Variants in EIF4E3 observed in about 807,000 individuals in gnomAD.
EIF4E3 encodes eukaryotic translation initiation factor 4E type 3.
In EIF4E3, 26 loss-of-function variants were observed where a neutral mutation model predicts 31.7. That is an observed-to-expected ratio of 0.82 (90% CI 0.60 to 1.14). The LOEUF is 1.14. Ranked by LOEUF, EIF4E3 falls within the 50% of genes most tolerant of loss-of-function variation. The pLI is 0.00. For synonymous variants in EIF4E3, 128 were observed against 107.7 expected (o/e 1.19, Z -1.17); for missense variants, 304 against 270.9 (o/e 1.12, Z -0.86).
At chr3:71,744,752 T>C (rs771810270) in intron 1 of EIF4E3, among the ~76,000 whole-genome samples, 4 of 152,096 alleles carry the variant, frequency 2.6e-5, no homozygotes, top group Non-Finnish European at 5.9e-5. Context: ...CTCAAAAAAA[T>C]ATATATATTT....
upstream of EIF4E3, chr3:71,754,065 G>C: frequency 7.8e-7 from 1 of 1,289,660 alleles, no homozygotes; most frequent in South Asian, 1.6e-5. This position sits in a 1 kb window ranked among gnomAD's most constrained non-coding sequence, Gnocchi z 5.8. Context: ...GAACGCGAGC[G>C]AGCCGGGTGG....
At chr3:71,704,715 T>C (rs894921263) in intron 2 of EIF4E3, among the ~76,000 whole-genome samples, 1 of 152,230 alleles carries the variant, frequency 6.6e-6, no homozygotes, top group Admixed American at 6.5e-5. Context: ...TATTTCTGCA[T>C]ATGCCTGTTC....
At chr3:71,753,761 A>ATGCGGGGGGC (rs1355039649), upstream of EIF4E3, 1 of 153,922 alleles carries the variant, frequency 6.5e-6, no homozygotes, top group Non-Finnish European at 1.4e-5. Context: ...ACGGAGGAGG[A>ATGCGGGGGGC]TGCGGGGGGC....
downstream of EIF4E3, among the ~76,000 whole-genome samples, chr3:71,670,976 C>T (rs964276004): frequency 6.6e-6 from 1 of 152,012 alleles, no homozygotes; most frequent in African/African-American, 2.4e-5. Flanking sequence ...CAGCAATCCC[C>T]CAAGCGCGGA....
chr3:71,686,209 C>T (rs1312505047), intron 6 of EIF4E3, among the ~76,000 whole-genome samples: 1 of 151,982 alleles, frequency 6.6e-6, no homozygotes, highest in Non-Finnish European at 1.5e-5. Context: ...AGGCTGGTCT[C>T]GAACTCCTGA....
intron 1 of EIF4E3, among the ~76,000 whole-genome samples, chr3:71,712,635 T>TGG (rs760932981): frequency 0.2 from 11,462 of 58,342 alleles, 719 homozygotes; most frequent in East Asian, 0.34. Context: ...TTGCGGGGGG[T>TGG]GGGCGGGGGA....
intron 1 of EIF4E3, among the ~76,000 whole-genome samples, chr3:71,740,042 G>A (rs2049804106): frequency 6.6e-6 from 1 of 151,940 alleles, no homozygotes; most frequent in South Asian, 2.1e-4. Context: ...AGTTAAAAAT[G>A]TACACTGTGA....
intron 1 of EIF4E3, among the ~76,000 whole-genome samples, chr3:71,720,846 G>C (rs542056367): frequency 1.3e-5 from 2 of 152,310 alleles, no homozygotes; most frequent in East Asian, 3.9e-4. Context: ...AGAGGGCATG[G>C]AGAGAGGAAA....
At chr3:71,687,212 G>A (rs1251139816) in intron 6 of EIF4E3, among the ~76,000 whole-genome samples, 1 of 152,098 alleles carries the variant, frequency 6.6e-6, no homozygotes, top group African/African-American at 2.4e-5. Flanking sequence ...ATGTTGGCCA[G>A]GCTGGTCTTT....
chr3:71,669,656 ACAAGGGAACACTCT>A, the EIF4E3 span, among the ~76,000 whole-genome samples: 1 of 152,002 alleles, frequency 6.6e-6, no homozygotes, highest in Admixed American at 6.6e-5. Context: ...CTCTGGTAAC[ACAAGGGAACACTCT>A]CAACTACTCA....
chr3:71,661,400 G>T, the EIF4E3 span, among the ~76,000 whole-genome samples: 1 of 152,146 alleles, frequency 6.6e-6, no homozygotes, highest in African/African-American at 2.4e-5. Context: ...GTGTGCAACT[G>T]CTTAGGCCAG....
At chr3:71,702,889 T>G (rs2049237933) in intron 2 of EIF4E3, among the ~76,000 whole-genome samples, 1 of 152,042 alleles carries the variant, frequency 6.6e-6, no homozygotes, top group Admixed American at 6.6e-5. Flanking sequence ...CTTGCAGAAG[T>G]GAAAGGTCTG....
chr3:71,671,891 T>G (rs771240877), downstream of EIF4E3, among the ~76,000 whole-genome samples: 1 of 152,164 alleles, frequency 6.6e-6, no homozygotes, highest in Non-Finnish European at 1.5e-5. Context: ...ACAGCAATTC[T>G]TCTAAATATA....
upstream of EIF4E3, among the ~76,000 whole-genome samples, chr3:71,726,685 C>A (rs2049643267): frequency 6.6e-6 from 1 of 152,170 alleles, no homozygotes; most frequent in Non-Finnish European, 1.5e-5. Flanking sequence ...TGTCATGAAT[C>A]CCAGAGTAGA....
chr3:71,693,921 C>A lies in EIF4E3; in HGVS notation c.426G>T (p.Leu142Phe), dbSNP rs1001950395. Residue 142 changes from leucine (L) to phenylalanine (F), a missense_variant, in exon 5 of 7, where the codon TTG (leucine) becomes TTT (phenylalanine). Coordinates refer to ENST00000425534, the MANE Select transcript of EIF4E3 (RefSeq NM_001134651.2). Reference protein sequence around the residue: ...KDSTSTVWKELLLATIGEQFT... With the variant: ...KDSTSTVWKEFLLATIGEQFT... ...ACTGTTCCCCGATGGTTGCTAACAGCAACTCTTTCCAAACTGTGGACTGAT... is the reference window on the plus strand; with the variant it reads ...ACTGTTCCCCGATGGTTGCTAACAGAAACTCTTTCCAAACTGTGGACTGAT... The A allele has an allele frequency of 1.3e-6, 2 of 1,584,410 alleles. No individual in the cohort carries two copies. The highest frequency in any genetic ancestry group is 3.6e-5 in the Admixed American group (2 of 56,144).
intron 1 of EIF4E3, among the ~76,000 whole-genome samples, chr3:71,745,515 T>C (rs1462041906): frequency 6.6e-6 from 1 of 152,200 alleles, no homozygotes; most frequent in Admixed American, 6.5e-5. Context: ...TTCACTGTAA[T>C]TCTCTAGAGT....
intron 1 of EIF4E3, among the ~76,000 whole-genome samples, chr3:71,742,934 T>C (rs1209323735): frequency 6.6e-6 from 1 of 152,166 alleles, no homozygotes; most frequent in South Asian, 2.1e-4. Context: ...CAACATTCAC[T>C]GCTGATTTTA....
At position 71,676,044 on chromosome 3, in the gene EIF4E3, T is replaced by C. The variant is rs199924965; in HGVS notation, c.*8638A>G. The C allele has an allele frequency of 6.6e-6, 1 of 152,226 alleles. No homozygotes were observed. Among genetic ancestry groups the C allele is most frequent in the Admixed American group, 6.5e-5 (1 of 15,282 alleles). 9.4% of individuals were successfully genotyped at this position (152,226 alleles called of 1,614,324 possible). On this transcript the variant is annotated 3_prime_UTR_variant, in exon 7 of 7. Coordinates refer to ENST00000425534, the MANE Select transcript of EIF4E3 (RefSeq NM_001134651.2). Reference sequence around the variant, plus strand: ...TATGCTTAGATGGCATGGAACTCCATACATGCTATTGTTATTGTGGATATT... The same window carrying C: ...TATGCTTAGATGGCATGGAACTCCACACATGCTATTGTTATTGTGGATATT...
intron 6 of EIF4E3, among the ~76,000 whole-genome samples, chr3:71,688,812 T>C (rs2049026245): frequency 6.6e-6 from 1 of 152,216 alleles, no homozygotes; most frequent in Non-Finnish European, 1.5e-5. Context: ...AATAAGCAAC[T>C]TCTGCAGTGC....
Sources: gnomAD v4.1 joint callset for allele counts (sites outside exome capture counted in the v4.1 genomes callset) on GRCh38, gnomAD v4.1.1 for gene constraint, Gnocchi (gnomAD v3.1) non-coding constraint, MANE v1.5 for transcripts, NCBI Gene and HGNC (gene_info 2026-07-23, HGNC 2026-07-21) for gene names.